Variants in FAR2 observed in about 807,000 individuals in gnomAD.
FAR2 encodes the protein epididymis secretory protein Li 81.
In FAR2, 19 loss-of-function variants were observed where a neutral mutation model predicts 56.0. The ratio of observed to expected loss-of-function variants is 0.34; its 90% CI spans 0.24 to 0.50. FAR2 has a LOEUF of 0.50. Among genes scored for constraint, FAR2 ranks in the 20% least tolerant of loss-of-function variants. The probability of loss-of-function intolerance (pLI) is 0.98; values close to 1 mark genes in which losing one functional copy is unlikely to be tolerated. For missense variants in FAR2, 508 were observed against 642.2 expected (o/e 0.79, Z 2.26); for synonymous variants, 219 against 218.8 (o/e 1.00, Z -0.01).
chr12:29,311,115 C>A lies in FAR2; in HGVS notation c.856C>A (p.Leu286Ile). The A allele has an allele frequency of 6.2e-7, 1 of 1,613,494 alleles. No individual in the cohort carries two copies. ...IPVDTVVNLM[L>I]AVGWYTAVHR... The stretch of plus-strand genomic sequence containing the variant: ...AGTTGATACAGTCGTCAATCTCATG[C>A]TAGCTGTAGGATGGTATACTGCAGT... The change falls in exon 7 of 12, where the codon CTA (leucine) becomes ATA (isoleucine). Residue 286 changes from leucine (L) to isoleucine (I), a missense_variant. Transcript: ENST00000536681.
intron 4 of FAR2, among the ~76,000 whole-genome samples, chr12:29,298,675 G>A (rs1357998346): frequency 6.6e-6 from 1 of 152,170 alleles, no homozygotes; most frequent in East Asian, 1.9e-4. Flanking sequence ...CCAAAGTCTA[G>A]ACAATAAAGT....
At chr12:29,311,687 CACACACAT>C (rs1275544674) in intron 7 of FAR2, among the ~76,000 whole-genome samples, 188 bp from the exon 8 acceptor site, 13 of 151,830 alleles carry the variant, frequency 8.6e-5, no homozygotes, top group East Asian at 1.9e-4. Flanking sequence ...CACACACACA[CACACACAT>C]GCTTTTCCTA....
In FAR2 at chr12:29,270,555, G is replaced by T; in HGVS notation, c.106G>T (p.Asp36Tyr). 1 of 1,614,136 alleles carries T rather than the reference G, an allele frequency of 6.2e-7. No homozygotes were observed. Among genetic ancestry groups the T allele is most frequent in the Non-Finnish European group, 8.5e-7 (1 of 1,179,994 alleles). ...GGAGAAGCTGTTTCGCACCAGCCCA[G>T]ACCTGAAAGTCATTTACATCCTTGT... is the stretch of plus-strand genomic sequence containing the variant. Reference protein sequence around the residue: ...LMEKLFRTSPDLKVIYILVRP... With the variant: ...LMEKLFRTSPYLKVIYILVRP... Residue 36 changes from aspartate (D) to tyrosine (Y), a missense_variant, in exon 2 of 12, where the codon GAC becomes TAC. By Grantham distance (160) the Asp-to-Tyr change is radical (BLOSUM62 -3). Transcript: ENST00000536681.
intron 4 of FAR2, among the ~76,000 whole-genome samples, chr12:29,305,166 C>G (rs1949236078): frequency 6.6e-6 from 1 of 151,690 alleles, no homozygotes; most frequent in East Asian, 1.9e-4. Context: ...GAGACAGGGT[C>G]TCTGTCACCC....
chr12:29,282,274 T>A (rs1948798738), intron 2 of FAR2: 1 of 152,190 alleles, frequency 6.6e-6, no homozygotes, highest in Non-Finnish European at 1.5e-5. Flanking sequence ...ACTCGAGACT[T>A]TAATTTCAGC....
chr12:29,315,281 T>C (rs1949427504), intron 8 of FAR2, among the ~76,000 whole-genome samples: 1 of 152,074 alleles, frequency 6.6e-6, no homozygotes, highest in South Asian at 2.1e-4. Context: ...TTAATCATAT[T>C]CAAGGACAGC....
chr12:29,314,210 C>G (rs1401535760), intron 8 of FAR2, among the ~76,000 whole-genome samples: 1 of 152,152 alleles, frequency 6.6e-6, no homozygotes, highest in East Asian at 1.9e-4. Flanking sequence ...GGTTAAAAGT[C>G]TTGGGCTTTA....
chr12:29,309,779 A>T (rs1949316138), intron 6 of FAR2: 1 of 152,608 alleles, frequency 6.6e-6, no homozygotes, highest in African/African-American at 2.4e-5. Flanking sequence ...ACCAGGAGAA[A>T]CGTGGCTCCT....
At chr12:29,209,185 A>C (rs753137267) in intron 1 of FAR2, among the ~76,000 whole-genome samples, 5 of 152,190 alleles carry the variant, frequency 3.3e-5, no homozygotes, top group Non-Finnish European at 5.9e-5. Context: ...CTAAAGAGGA[A>C]GGTGAGAGAT....
intron 4 of FAR2, among the ~76,000 whole-genome samples, chr12:29,304,201 T>C (rs1011415613): frequency 2.0e-5 from 3 of 152,184 alleles, no homozygotes; most frequent in Non-Finnish European, 2.9e-5. Flanking sequence ...TTCTTTTGAG[T>C]TCATCCACTT....
intron 2 of FAR2, among the ~76,000 whole-genome samples, chr12:29,273,621 C>T (rs1037865136): frequency 6.6e-6 from 1 of 152,244 alleles, no homozygotes; most frequent in African/African-American, 2.4e-5. Context: ...GCTGCTGCCC[C>T]TCCCCCAAGG....
intron 1 of FAR2, among the ~76,000 whole-genome samples, chr12:29,232,669 G>A (rs1207446412): frequency 6.6e-6 from 1 of 151,974 alleles, no homozygotes; most frequent in East Asian, 1.9e-4. Context: ...AGTCTACTTA[G>A]CATCACTGTC....
At chr12:29,305,115 TTTTA>T (rs1176794929) in intron 4 of FAR2, among the ~76,000 whole-genome samples, 2 of 150,998 alleles carry the variant, frequency 1.3e-5, no homozygotes, top group Non-Finnish European at 3.0e-5. Flanking sequence ...TTTTTATTTG[TTTTA>T]TTTGTTTATT....
At chr12:29,247,430 A>G (rs1318427075) in intron 1 of FAR2, among the ~76,000 whole-genome samples, 1 of 152,140 alleles carries the variant, frequency 6.6e-6, no homozygotes, top group Non-Finnish European at 1.5e-5. Context: ...TTGGTTGCAA[A>G]CAGTAATTTG....
intron 1 of FAR2, among the ~76,000 whole-genome samples, chr12:29,198,212 T>A (rs548795411): frequency 1.1e-4 from 17 of 152,184 alleles, no homozygotes; most frequent in Non-Finnish European, 2.9e-5. Flanking sequence ...ATTCTGTTTT[T>A]TATTTTAATT....
intron 1 of FAR2, among the ~76,000 whole-genome samples, chr12:29,227,416 C>T (rs1160354548): frequency 6.6e-6 from 1 of 152,166 alleles, no homozygotes; most frequent in Non-Finnish European, 1.5e-5. Context: ...CTCTTTGACT[C>T]CTAACAACAG....
chr12:29,276,887 A>G lies in FAR2; in HGVS notation c.189+6249A>G, dbSNP rs534127869. 7.5e-4 allele frequency among the ~76,000 whole-genome samples: 113 copies of G among 151,286 alleles called. 1 individual carries two copies. The highest frequency in any genetic ancestry group is 1.5e-3 in the African/African-American group (61 of 41,372). On this transcript the variant is annotated intron_variant, in intron 2 of 11. Coordinates refer to ENST00000536681, the MANE Select transcript of FAR2 (RefSeq NM_001271783.2). Reference sequence around the variant, plus strand: ...TAAAATCTCTAGATTATATATATATATGTGTGTGTATGTGCCACTGCACTC... The same window carrying G: ...TAAAATCTCTAGATTATATATATATGTGTGTGTGTATGTGCCACTGCACTC...
intron 8 of FAR2, among the ~76,000 whole-genome samples, chr12:29,315,749 C>A (rs1949437927): frequency 6.6e-6 from 1 of 152,090 alleles, no homozygotes. Flanking sequence ...AACTGAATTA[C>A]CATTTGGTTA....
intron 1 of FAR2, among the ~76,000 whole-genome samples, chr12:29,238,672 T>C (rs1260945657): frequency 1.3e-5 from 2 of 152,134 alleles, no homozygotes; most frequent in Admixed American, 1.3e-4. Context: ...AAACCAACAT[T>C]TGTGACATTT....
Sources: gnomAD v4.1 joint callset for allele counts (sites outside exome capture counted in the v4.1 genomes callset) on GRCh38, gnomAD v4.1.1 for gene constraint, MANE v1.5 for transcripts, NCBI Gene and HGNC (gene_info 2026-07-23, HGNC 2026-07-21) for gene names.